KLHL1: variants seen among roughly 807,000 people sequenced by gnomAD.
KLHL1 encodes kelch like family member 1.
KLHL1 carries 47 observed loss-of-function variants against 77.7 expected under a neutral mutation model. That is an observed-to-expected ratio of 0.60 (90% CI 0.48 to 0.77). KLHL1 has a LOEUF of 0.77. Ranked by LOEUF, KLHL1 falls within the 30% of genes least tolerant of loss-of-function variation. The pLI, the probability that KLHL1 is intolerant of heterozygous loss-of-function variation, is 0.00. For missense variants in KLHL1, 925 were observed against 910.8 expected (o/e 1.02, Z -0.20); for synonymous variants, 360 against 325.2 (o/e 1.11, Z -1.15).
intron 6 of KLHL1, among the ~76,000 whole-genome samples, chr13:69,823,415 C>T (rs760248371): frequency 2.0e-4 from 30 of 151,704 alleles, no homozygotes; most frequent in Non-Finnish European, 3.5e-4. Context: ...GTTGGTGAGG[C>T]GTTAGGCTCT....
intron 10 of KLHL1, 114 bp downstream of exon 10, chr13:69,707,511 C>G: frequency 1.1e-6 from 1 of 883,902 alleles, no homozygotes; most frequent in Non-Finnish European, 1.6e-6. Context: ...TAAAAACAAT[C>G]ATTTTTGGTT....
In KLHL1 at chr13:69,975,817, C is replaced by T. The variant is rs2137292044; in HGVS notation, c.498-15G>A. 23 of 1,529,596 alleles carry T rather than the reference C, an allele frequency of 1.5e-5. No individual in the cohort carries two copies. Among genetic ancestry groups the T allele is most frequent in the Middle Eastern group, 2.0e-4 (1 of 4,924 alleles). 94.8% of individuals were successfully genotyped at this position (1,529,596 alleles called of 1,614,324 possible). A position where few individuals can be genotyped will look rare whatever the true frequency, so the allele number is the denominator to read the frequency against. ...TTGATGACAGCCTATAAACCACACACACACACACACACACACAAAATAATA... is the reference window on the plus strand; with the variant it reads ...TTGATGACAGCCTATAAACCACACATACACACACACACACACAAAATAATA... On this transcript the variant is annotated splice_polypyrimidine_tract_variant and intron_variant, in intron 1 of 10. Transcript: ENST00000377844.
chr13:69,840,265 C>T (rs1352593792), intron 5 of KLHL1, among the ~76,000 whole-genome samples: 1 of 151,844 alleles, frequency 6.6e-6, no homozygotes, highest in Non-Finnish European at 1.5e-5. Context: ...ACTCTGTCAC[C>T]CAGGCTGGAG....
chr13:69,747,031 T>C (rs1874245051), intron 7 of KLHL1, among the ~76,000 whole-genome samples: 1 of 152,068 alleles, frequency 6.6e-6, no homozygotes, highest in African/African-American at 2.4e-5. Context: ...AACAAATAAA[T>C]TTCTCCAGAA....
chr13:69,801,939 C>T (rs890837628), intron 6 of KLHL1, among the ~76,000 whole-genome samples: 3 of 151,986 alleles, frequency 2.0e-5, no homozygotes, highest in Admixed American at 6.6e-5. Context: ...GGTATACATG[C>T]GCCATGGTGG....
At chr13:69,785,958 A>G (rs1876519218) in intron 7 of KLHL1, among the ~76,000 whole-genome samples, 1 of 152,180 alleles carries the variant, frequency 6.6e-6, no homozygotes, top group Admixed American at 6.5e-5. Flanking sequence ...CTAAACCAGG[A>G]AGAAGTTGAC....
chr13:70,021,852 T>C (rs1284754120), intron 1 of KLHL1, among the ~76,000 whole-genome samples: 3 of 152,062 alleles, frequency 2.0e-5, no homozygotes, highest in Non-Finnish European at 4.4e-5. Context: ...TTTTGTTTTA[T>C]ATTGTTGAGC....
At chr13:69,994,120 T>C (rs188235101) in intron 1 of KLHL1, among the ~76,000 whole-genome samples, 1 of 152,212 alleles carries the variant, frequency 6.6e-6, no homozygotes, top group Admixed American at 6.6e-5. Flanking sequence ...GGGAAGCTTT[T>C]ATGACCTAAA....
At chr13:69,806,012 A>G (rs1364092982) in intron 6 of KLHL1, among the ~76,000 whole-genome samples, 1 of 152,144 alleles carries the variant, frequency 6.6e-6, no homozygotes, top group African/African-American at 2.4e-5. Context: ...AAACAAAATT[A>G]CTGATGAAGA....
At chr13:69,818,707 T>G (rs574895382) in intron 6 of KLHL1, among the ~76,000 whole-genome samples, 1 of 152,128 alleles carries the variant, frequency 6.6e-6, no homozygotes, top group Non-Finnish European at 1.5e-5. Flanking sequence ...GACATGATTT[T>G]ATTCATAGTT....
intron 1 of KLHL1, among the ~76,000 whole-genome samples, chr13:70,027,470 A>G (rs1885978719): frequency 6.6e-6 from 1 of 152,158 alleles, no homozygotes; most frequent in Admixed American, 6.6e-5. Flanking sequence ...CCAAGGCAAG[A>G]TATGAATACA....
intron 4 of KLHL1, among the ~76,000 whole-genome samples, chr13:69,893,349 C>T (rs890744050): frequency 4.6e-5 from 7 of 151,428 alleles, no homozygotes; most frequent in Non-Finnish European, 1.0e-4. Context: ...ATTCTCCTGC[C>T]TCAGCCTCCC....
intron 7 of KLHL1, among the ~76,000 whole-genome samples, chr13:69,776,419 A>G (rs534542574): frequency 6.6e-6 from 1 of 152,334 alleles, no homozygotes; most frequent in South Asian, 2.1e-4. Context: ...ATGAACTTCA[A>G]CAAACTAATT....
intron 5 of KLHL1, among the ~76,000 whole-genome samples, chr13:69,858,440 A>G (rs1228008005): frequency 6.6e-6 from 1 of 152,110 alleles, no homozygotes; most frequent in Non-Finnish European, 1.5e-5. Context: ...AAGCTTGAAA[A>G]CAAGATGACA....
intron 5 of KLHL1, among the ~76,000 whole-genome samples, chr13:69,847,192 C>A (rs1866809991): frequency 6.6e-6 from 1 of 151,146 alleles, no homozygotes; most frequent in South Asian, 2.1e-4. Context: ...TGCTGGATGA[C>A]CTACTTTTAT....
chr13:69,972,699 C>T (rs1360960009), intron 2 of KLHL1, among the ~76,000 whole-genome samples: 3 of 151,730 alleles, frequency 2.0e-5, no homozygotes, highest in Non-Finnish European at 3.0e-5. Context: ...ATAAGATTTC[C>T]CCATGTATGT....
At chr13:69,794,261 A>G (rs776366073) in intron 7 of KLHL1, among the ~76,000 whole-genome samples, 29 of 152,166 alleles carry the variant, frequency 1.9e-4, no homozygotes, top group Non-Finnish European at 3.8e-4. Flanking sequence ...TTAGGGCTTC[A>G]TGCCCAGCTG....
intron 4 of KLHL1, among the ~76,000 whole-genome samples, chr13:69,907,804 T>C (rs943589906): frequency 4.6e-5 from 7 of 151,950 alleles, no homozygotes; most frequent in African/African-American, 1.7e-4. Context: ...TAAGTTTATA[T>C]AAAAAGACTA....
intron 7 of KLHL1, among the ~76,000 whole-genome samples, chr13:69,751,917 G>GACGTATTT (rs1368624236): frequency 9.5e-6 from 1 of 104,888 alleles, no homozygotes; most frequent in Non-Finnish European, 2.1e-5. Context: ...AAATTAAGAG[G>GACGTATTT]ATGTATTTCT....
Sources: gnomAD v4.1 joint callset for allele counts (sites outside exome capture counted in the v4.1 genomes callset) on GRCh38, gnomAD v4.1.1 for gene constraint, MANE v1.5 for transcripts, NCBI Gene and HGNC (gene_info 2026-07-23, HGNC 2026-07-21) for gene names.